TNFAIP8: variants seen among roughly 807,000 people sequenced by gnomAD.
The protein encoded by TNFAIP8 is tumor necrosis factor alpha-induced protein 8.
TNFAIP8 carries 7 observed loss-of-function variants against 13.3 expected under a neutral mutation model. The observed-to-expected ratio is 0.52, with a 90% CI of 0.30 to 0.99. TNFAIP8 has a LOEUF of 0.99. TNFAIP8 is among the 50% of genes least tolerant of loss of function. TNFAIP8 has a pLI of 0.07. For missense variants in TNFAIP8, 258 were observed against 236.9 expected (o/e 1.09, Z -0.58); for synonymous variants, 94 against 87.6 (o/e 1.07, Z -0.41).
At chr5:119,307,684 C>G (rs777261432) in intron 1 of TNFAIP8, among the ~76,000 whole-genome samples, 1 of 152,130 alleles carries the variant, frequency 6.6e-6, no homozygotes, top group Non-Finnish European at 1.5e-5. Flanking sequence ...GTCTTTTCCC[C>G]AAAAAATTCT....
At chr5:119,323,206 T>G (rs1199284755) in intron 1 of TNFAIP8, among the ~76,000 whole-genome samples, 1 of 152,256 alleles carries the variant, frequency 6.6e-6, no homozygotes, top group Admixed American at 6.5e-5. Context: ...TATGCTGCTA[T>G]TGGCCTCATA....
intron 1 of TNFAIP8, among the ~76,000 whole-genome samples, chr5:119,301,345 A>T (rs1222356365): frequency 6.6e-6 from 1 of 152,080 alleles, no homozygotes; most frequent in Non-Finnish European, 1.5e-5. Context: ...GTTCCCAGTG[A>T]CTATAATTCC....
intron 1 of TNFAIP8, among the ~76,000 whole-genome samples, chr5:119,312,281 T>C (rs1321910750): frequency 6.6e-6 from 1 of 152,198 alleles, no homozygotes; most frequent in Non-Finnish European, 1.5e-5. Context: ...TTTCTGCTAT[T>C]GTAACTTGGC....
At chr5:119,303,375 C>T (rs1288996403) in intron 1 of TNFAIP8, among the ~76,000 whole-genome samples, 2 of 152,184 alleles carry the variant, frequency 1.3e-5, no homozygotes, top group Non-Finnish European at 2.9e-5. Flanking sequence ...TGTTTCACCT[C>T]CTTCCTTCTC....
At chr5:119,373,022 C>T (rs1562026066) in intron 1 of TNFAIP8, among the ~76,000 whole-genome samples, 1 of 152,092 alleles carries the variant, frequency 6.6e-6, no homozygotes, top group Non-Finnish European at 1.5e-5. Flanking sequence ...TTTTTATGAT[C>T]TTTGTCCTAT....
At chr5:119,306,463 C>T (rs1408236230) in intron 1 of TNFAIP8, 2 of 152,070 alleles carry the variant, frequency 1.3e-5, no homozygotes, top group Admixed American at 6.6e-5. Context: ...TGGTTCTACC[C>T]TCCTTAGGCA....
At chr5:119,392,778 T>C in intron 1 of TNFAIP8, 38 bp from the exon 2 acceptor site, 1 of 1,489,950 alleles carries the variant, frequency 6.7e-7, no homozygotes, top group South Asian at 1.4e-5. Context: ...TGATATTTAC[T>C]AATTGTTAAT....
intron 1 of TNFAIP8, among the ~76,000 whole-genome samples, chr5:119,290,459 G>C (rs1561984886): frequency 6.6e-6 from 1 of 152,170 alleles, no homozygotes; most frequent in Non-Finnish European, 1.5e-5. Flanking sequence ...CCTCTTCACA[G>C]GTTTATTGGA....
At chr5:119,323,884 A>C (rs6888116) in intron 1 of TNFAIP8, among the ~76,000 whole-genome samples, 99,588 of 151,992 alleles carry the variant, frequency 0.66, 32,924 homozygotes, top group African/African-American at 0.71. Flanking sequence ...CTTGTCTAGA[A>C]TGTTTGTTAA....
chr5:119,275,590 A>G (rs879319554), intron 1 of TNFAIP8, among the ~76,000 whole-genome samples: 4 of 152,074 alleles, frequency 2.6e-5, no homozygotes, highest in Non-Finnish European at 4.4e-5. Flanking sequence ...CTCATTTTGT[A>G]ATGGTAGAAA....
At chr5:119,336,971 T>A (rs1750571398) in intron 1 of TNFAIP8, among the ~76,000 whole-genome samples, 1 of 152,240 alleles carries the variant, frequency 6.6e-6, no homozygotes, top group Non-Finnish European at 1.5e-5. Context: ...TTAGATCTTA[T>A]GACCATTGTC....
chr5:119,348,306 A>G (rs1562011115), intron 1 of TNFAIP8, among the ~76,000 whole-genome samples: 1 of 152,200 alleles, frequency 6.6e-6, no homozygotes, highest in Non-Finnish European at 1.5e-5. Flanking sequence ...GGTTGTTGAA[A>G]ATAAAATTTA....
At chr5:119,376,202 C>T (rs763841961) in intron 1 of TNFAIP8, among the ~76,000 whole-genome samples, 46 of 152,058 alleles carry the variant, frequency 3.0e-4, no homozygotes, top group Non-Finnish European at 4.6e-4. Context: ...GCAACCTCCC[C>T]GTCCCGGCTT....
At chr5:119,312,000 G>GA (rs1462687530) in intron 1 of TNFAIP8, among the ~76,000 whole-genome samples, 2 of 151,774 alleles carry the variant, frequency 1.3e-5, no homozygotes, top group Admixed American at 1.3e-4. Context: ...ATGACAGAAA[G>GA]AAAAAAGAGC....
chr5:119,337,072 C>T (rs115284748), intron 1 of TNFAIP8, among the ~76,000 whole-genome samples: 1,561 of 152,288 alleles, frequency 0.01, 22 homozygotes, highest in African/African-American at 0.035. Flanking sequence ...GTGCTGTCAT[C>T]GGCATTGTCT....
chr5:119,319,931 C>T (rs560946114), intron 1 of TNFAIP8, among the ~76,000 whole-genome samples: 23 of 152,224 alleles, frequency 1.5e-4, no homozygotes, highest in African/African-American at 5.5e-4. Context: ...CTGTGTATCC[C>T]GAAGGCACAG....
chr5:119,382,244 A>T (rs772243041), intron 1 of TNFAIP8, among the ~76,000 whole-genome samples: 16 of 152,174 alleles, frequency 1.1e-4, no homozygotes, highest in Non-Finnish European at 2.4e-4. Flanking sequence ...GCAAAAACTA[A>T]TGTTTCCACT....
upstream of TNFAIP8, among the ~76,000 whole-genome samples, chr5:119,353,389 C>G (rs967161784): frequency 6.6e-6 from 1 of 152,184 alleles, no homozygotes; most frequent in Non-Finnish European, 1.5e-5. Context: ...CACCATGTTG[C>G]AGGGTAGGGG....
chr5:119,391,625 G>A (rs747837694), intron 1 of TNFAIP8: 1 of 470,902 alleles, frequency 2.1e-6, no homozygotes, highest in Non-Finnish European at 3.9e-6. Flanking sequence ...CGGGCATGGT[G>A]GAGGGTGCCT....
Sources: gnomAD v4.1 joint callset for allele counts (sites outside exome capture counted in the v4.1 genomes callset) on GRCh38, gnomAD v4.1.1 for gene constraint, MANE v1.5 for transcripts, NCBI Gene and HGNC (gene_info 2026-07-23, HGNC 2026-07-21) for gene names.